ADAM19: variants seen among roughly 807,000 people sequenced by gnomAD.
ADAM19 encodes disintegrin and metalloproteinase domain-containing protein 19.
A neutral mutation model predicts 114.7 loss-of-function variants in ADAM19; 65 were observed. The ratio of observed to expected loss-of-function variants is 0.57; its 90% CI spans 0.46 to 0.70. The LOEUF is 0.70. ADAM19 is among the 30% of genes least tolerant of loss of function. The pLI, the probability that ADAM19 is intolerant of heterozygous loss-of-function variation, is 0.00. For missense variants in ADAM19, 1,063 were observed against 1,204.7 expected (o/e 0.88, Z 1.74); for synonymous variants, 466 against 460.5 (o/e 1.01, Z -0.15).
intron 5 of ADAM19, among the ~76,000 whole-genome samples, chr5:157,524,185 C>T (rs932036427): frequency 6.6e-6 from 1 of 152,210 alleles, no homozygotes; most frequent in African/African-American, 2.4e-5. Flanking sequence ...TGCCCTCTTC[C>T]AAGCACCACC....
intron 8 of ADAM19, among the ~76,000 whole-genome samples, chr5:157,510,774 C>A (rs7702035): frequency 0.69 from 104,703 of 152,154 alleles, 36,613 homozygotes; most frequent in East Asian, 0.92. Context: ...TATGGATATA[C>A]CAAATTATAT....
At chr5:157,535,309 C>G (rs1446919490) in intron 4 of ADAM19, among the ~76,000 whole-genome samples, 1 of 152,258 alleles carries the variant, frequency 6.6e-6, no homozygotes, top group East Asian at 1.9e-4. Context: ...TAGATGCAGG[C>G]TGTCGCCTAA....
rs938336825 is a variant in ADAM19 at position 157,506,167 on chromosome 5, C to T, written c.991-359G>A. Among the ~76,000 whole-genome samples the T allele has an allele frequency of 7.2e-5, 11 of 152,120 alleles. No individual in the cohort carries two copies. In the East Asian group the frequency reaches 7.7e-4, roughly 11 times the overall value. The stretch of plus-strand genomic sequence containing the variant: ...CATAAGGAAATCAACATAGAAAACA[C>T]GACCTTGATTCAAACATAGGGTGTA... On this transcript the variant is annotated intron_variant, in intron 10 of 22. Coordinates refer to ENST00000257527, the MANE Select transcript of ADAM19 (RefSeq NM_033274.5).
rs768264673 is a variant in ADAM19, at chr5:157,481,839, AG to A, written c.2654del (p.Pro885LeufsTer29). On this transcript the variant is annotated frameshift_variant, in exon 22 of 23. Transcript: ENST00000257527. LOFTEE classifies it low-confidence loss of function (END_TRUNC). ...GCCGGGACTGCTGAGGGCCAGCACCAGGGGGCCGCAGTGGGGATGCACCTCC... is the reference window on the plus strand; with the variant it reads ...GCCGGGACTGCTGAGGGCCAGCACCAGGGGCCGCAGTGGGGATGCACCTCC... Reference protein sequence around the residue: ...RPGGASPLRPPGAGPQQSRPL... With the variant: ...RPGGASPLRPXGAGPQQSRPL... The A allele has an allele frequency of 6.3e-7, 1 of 1,583,436 alleles. No homozygotes were observed. Among genetic ancestry groups the A allele is most frequent in the Non-Finnish European group, 8.6e-7 (1 of 1,164,150 alleles).
intron 19 of ADAM19, among the ~76,000 whole-genome samples, chr5:157,489,593 C>CA (rs932954466): frequency 3.3e-5 from 5 of 152,006 alleles, no homozygotes; most frequent in Non-Finnish European, 5.9e-5. Flanking sequence ...CTTCCATATC[C>CA]AAAATAATAC....
chr5:157,514,833 T>C (rs1259252119), intron 7 of ADAM19, among the ~76,000 whole-genome samples: 2 of 152,194 alleles, frequency 1.3e-5, no homozygotes, highest in Admixed American at 1.3e-4. Flanking sequence ...AAATTACATT[T>C]AAAAATGATG....
Position 157,550,092 on chromosome 5 carries a change from G to A in ADAM19, c.252-12101C>T, listed in dbSNP as rs905389377. 2.6e-5 allele frequency among the ~76,000 whole-genome samples: 4 copies of A among 152,154 alleles called. No homozygotes were observed. In the East Asian group the frequency reaches 7.7e-4, roughly 29 times the overall value. ...AGCTTCATAGGACTGACGTGGGGTGGGGGAGAATGAAGAATGACTGTGCTC... is the reference window on the plus strand; with the variant it reads ...AGCTTCATAGGACTGACGTGGGGTGAGGGAGAATGAAGAATGACTGTGCTC... On this transcript the variant is annotated intron_variant, in intron 3 of 22. Coordinates refer to ENST00000257527, the MANE Select transcript of ADAM19 (RefSeq NM_033274.5).
intron 12 of ADAM19, among the ~76,000 whole-genome samples, chr5:157,500,377 T>G (rs1430954284): frequency 3.3e-5 from 5 of 152,250 alleles, no homozygotes; most frequent in African/African-American, 1.2e-4. Flanking sequence ...TTATACTTAC[T>G]TTACAAAATC....
At position 157,479,341 on chromosome 5, in the gene ADAM19, G is replaced by GCTCAGC; in HGVS notation, c.*1602_*1607dup. 1.0e-6 allele frequency: 1 copy of GCTCAGC among 986,036 alleles called. No homozygotes were observed. Among genetic ancestry groups the GCTCAGC allele is most frequent in the Non-Finnish European group, 1.2e-6 (1 of 830,068 alleles). The allele number at this position is 986,036 out of a possible 1,614,324, so 61.1% of individuals were successfully genotyped here. ...GAGGCCCTGGGGTGGTGAATCAGAAGCTCAGCCTCAGCCTTGCAGTGAGGT... is the reference window on the plus strand; with the variant it reads ...GAGGCCCTGGGGTGGTGAATCAGAAGCTCAGCCTCAGCCTCAGCCTTGCAGTGAGGT... On this transcript the variant is annotated 3_prime_UTR_variant, in exon 23 of 23. Transcript: ENST00000257527.
intron 2 of ADAM19, among the ~76,000 whole-genome samples, chr5:157,567,246 C>T (rs185408608): frequency 3.1e-4 from 47 of 152,332 alleles, no homozygotes; most frequent in African/African-American, 1.0e-3. Flanking sequence ...TCTTGGGCAA[C>T]GCTGGCCATT....
chr5:157,494,498 C>T (rs762937156), intron 15 of ADAM19, among the ~76,000 whole-genome samples, 189 bp downstream of exon 15: 4 of 152,208 alleles, frequency 2.6e-5, no homozygotes, highest in Non-Finnish European at 4.4e-5. Context: ...CCCACACCCT[C>T]CTCTGACTTC....
At chr5:157,553,532 T>C (rs934764049) in intron 3 of ADAM19, among the ~76,000 whole-genome samples, 1 of 152,204 alleles carries the variant, frequency 6.6e-6, no homozygotes, top group African/African-American at 2.4e-5. Context: ...AAATGGTACA[T>C]TCAGCCTTTG....
At chr5:157,534,135 A>G (rs142629706) in intron 4 of ADAM19, among the ~76,000 whole-genome samples, 1 of 152,044 alleles carries the variant, frequency 6.6e-6, no homozygotes, top group Non-Finnish European at 1.5e-5. Context: ...TTTCACATAC[A>G]CTATCTCTTG....
In ADAM19 at chr5:157,513,463, G is replaced by A; in HGVS notation, c.709C>T (p.Leu237Phe). 6.2e-7 allele frequency: 1 copy of A among 1,614,086 alleles called. No individual in the cohort carries two copies. The highest frequency in any genetic ancestry group is 8.5e-7 in the Non-Finnish European group (1 of 1,179,966). Residue 237 changes from leucine (L) to phenylalanine (F), a missense_variant, in exon 8 of 23, where the codon CTC (leucine) becomes TTC (phenylalanine). This residue lies in a region of ADAM19 where 615 missense variants were observed against 706.3 expected (regional missense o/e 0.87). Transcript: ENST00000257527. ...RRDQDATKHK[L>F]IEIANYVDKF... Reference sequence around the variant, plus strand: ...TCAACATAGTTGGCGATCTCTATGAGCTTGTGTTTGGTGGCGTCCTGGTCT... The same window carrying A: ...TCAACATAGTTGGCGATCTCTATGAACTTGTGTTTGGTGGCGTCCTGGTCT...
intron 3 of ADAM19, among the ~76,000 whole-genome samples, chr5:157,555,519 C>G (rs777464589): frequency 3.3e-5 from 5 of 152,192 alleles, no homozygotes; most frequent in South Asian, 2.1e-4. Flanking sequence ...GCAAGGGCCA[C>G]ATGTCACAGC....
chr5:157,508,432 A>C (rs891605405), intron 9 of ADAM19, among the ~76,000 whole-genome samples: 2 of 152,124 alleles, frequency 1.3e-5, no homozygotes, highest in Admixed American at 6.6e-5. Flanking sequence ...AACATGGCAA[A>C]ATCCTGTCTC....
intron 19 of ADAM19, among the ~76,000 whole-genome samples, chr5:157,489,979 C>A (rs11741723): frequency 0.087 from 13,265 of 152,256 alleles, 794 homozygotes; most frequent in Middle Eastern, 0.16. Flanking sequence ...AAGAGTGAAA[C>A]TCCATCTCAA....
rs1484328599 is a variant in ADAM19 at position 157,499,622 on chromosome 5, A to G, written c.1349T>C (p.Leu450Pro). ...GTGAGCACACTCCGCCCCCGGCCTC[A>G]GGGTACAATTAGAGGCATTGCAGCA... ...NPCCNASNCT[L>P]RPGAECAHGS... The change falls in exon 13 of 23, where the codon CTG (leucine) becomes CCG (proline). Residue 450 changes from leucine (L) to proline (P), a missense_variant. This residue lies in a region of ADAM19 where 615 missense variants were observed against 706.3 expected (regional missense o/e 0.87). Coordinates refer to ENST00000257527, the MANE Select transcript of ADAM19 (RefSeq NM_033274.5). 1.9e-6 allele frequency: 3 copies of G among 1,613,046 alleles called. No individual in the cohort carries two copies. Among genetic ancestry groups the G allele is most frequent in the African/African-American group, 2.7e-5 (2 of 74,994 alleles).
chr5:157,479,438 A>G lies in ADAM19; in HGVS notation c.*1511T>C. On this transcript the variant is annotated 3_prime_UTR_variant, in exon 23 of 23. Transcript: ENST00000257527. ...GGAAAGCCTCAGAGGAGTGAGAGTCAGGCCAGCTCCTGTCCGGAGAGCCAC... is the reference window on the plus strand; with the variant it reads ...GGAAAGCCTCAGAGGAGTGAGAGTCGGGCCAGCTCCTGTCCGGAGAGCCAC... 2.0e-6 allele frequency: 2 copies of G among 985,980 alleles called. No individual in the cohort carries two copies. The highest frequency in any genetic ancestry group is 4.7e-5 in the South Asian group (1 of 21,284). The allele number at this position is 985,980 out of a possible 1,614,324, so 61.1% of individuals were successfully genotyped here.
Sources: allele counts gnomAD v4.1 joint callset (sites outside exome capture counted in the v4.1 genomes callset), GRCh38; gene constraint gnomAD v4.1.1; regional missense constraint gnomAD v4.1.1; transcripts MANE v1.5; gene names NCBI Gene and HGNC (gene_info 2026-07-23, HGNC 2026-07-21).